The following ACSM2B variants were observed in gnomAD, a reference collection of about 807,000 sequenced individuals.
ACSM2B encodes acyl-CoA synthetase medium chain family member 2B.
A neutral mutation model predicts 78.6 loss-of-function variants in ACSM2B; 58 were observed. The observed-to-expected ratio is 0.74, with a 90% CI of 0.60 to 0.92. The LOEUF (loss-of-function observed/expected upper bound fraction) is 0.92. Ranked by LOEUF, ACSM2B falls within the 40% of genes least tolerant of loss-of-function variation. The pLI is 0.00. For missense variants in ACSM2B, 688 were observed against 711.2 expected, an observed-to-expected ratio of 0.97 and a Z score of 0.37; for synonymous variants, 257 against 256.8, an observed-to-expected ratio of 1.00 and a Z score of -0.01.
intron 12 of ACSM2B, chr16:20,541,347 GAC>G (rs1176617194): frequency 6.6e-6 from 1 of 152,056 alleles, no homozygotes; most frequent in African/African-American, 2.4e-5. Context: ...AATGTGCTAG[GAC>G]ACTGATCCAC....
intron 8 of ACSM2B, chr16:20,547,587 A>G (rs1291645708): frequency 1.0e-6 from 1 of 993,514 alleles, no homozygotes; most frequent in Non-Finnish European, 1.2e-6. Context: ...AGTTCCAAGA[A>G]GATATGTCAG....
rs181232136 is a variant in ACSM2B at position 20,544,098 on chromosome 16, A to G, written c.1282-836T>C. Among the ~76,000 whole-genome samples the G allele has an allele frequency of 2.0e-4, 31 of 152,196 alleles. 1 individual carries two copies. In the East Asian group the frequency reaches 4.8e-3, roughly 24 times the overall value. On this transcript the variant is annotated intron_variant, in intron 10 of 13. Coordinates refer to ENST00000329697, the MANE Select transcript of ACSM2B (RefSeq NM_001105069.2). ...CGCTTCTGAGTCTGTTTCCTTTTTTATCAAATGGGGAGAAGCCCATGACAT... is the reference window on the plus strand; with the variant it reads ...CGCTTCTGAGTCTGTTTCCTTTTTTGTCAAATGGGGAGAAGCCCATGACAT...
intron 1 of ACSM2B, among the ~76,000 whole-genome samples, chr16:20,566,792 A>T (rs1392826772): frequency 9.9e-6 from 1 of 101,168 alleles, no homozygotes; most frequent in Non-Finnish European, 1.8e-5. Flanking sequence ...ATATTTTGAA[A>T]TATATAATAT....
intron 5 of ACSM2B, among the ~76,000 whole-genome samples, chr16:20,553,259 G>A (rs1054506387): frequency 1.3e-5 from 2 of 152,066 alleles, no homozygotes; most frequent in African/African-American, 4.8e-5. Flanking sequence ...TGAATACCTT[G>A]GCACAGTGTT....
chr16:20,569,117 C>A (rs1567220303), intron 1 of ACSM2B, among the ~76,000 whole-genome samples: 2 of 151,822 alleles, frequency 1.3e-5, no homozygotes, highest in African/African-American at 2.4e-5. Context: ...CTTTTGGGTT[C>A]TTGGTCATAA....
At chr16:20,567,936 A>G (rs1171117655) in intron 1 of ACSM2B, among the ~76,000 whole-genome samples, 1 of 143,396 alleles carries the variant, frequency 7.0e-6, no homozygotes, top group Admixed American at 7.3e-5. Context: ...AATATATAGA[A>G]ATTTATATAT....
intron 10 of ACSM2B, among the ~76,000 whole-genome samples, chr16:20,544,127 A>G (rs892077681): frequency 2.0e-5 from 3 of 152,194 alleles, no homozygotes; most frequent in Admixed American, 6.5e-5. Flanking sequence ...ATGACATAGT[A>G]CTTCACTGGC....
rs1428512605 is a variant in ACSM2B at position 20,553,889 on chromosome 16, T to C, written c.628A>G (p.Thr210Ala). Reference sequence around the variant, plus strand: ...ATGGCAGATGCTTCCTGGCTTCCAGTCTCCACACAGTGATGAGTGGTGGAT... The same window carrying C: ...ATGGCAGATGCTTCCTGGCTTCCAGCCTCCACACAGTGATGAGTGGTGGAT... The part of the protein sequence containing the change: ...EASTTHHCVE[T>A]GSQEASAIYF... The change falls in exon 5 of 14, where the codon ACT becomes GCT. Residue 210 changes from threonine to alanine, a missense_variant. Thr to Ala is a moderately conservative substitution (Grantham distance 58). Coordinates refer to ENST00000329697, the MANE Select transcript of ACSM2B (RefSeq NM_001105069.2). The C allele has an allele frequency of 1.2e-6, 2 of 1,613,824 alleles. No homozygotes were observed. Among genetic ancestry groups the C allele is most frequent in the Non-Finnish European group, 1.7e-6 (2 of 1,179,812 alleles).
chr16:20,574,106 C>A (rs939919845), intron 1 of ACSM2B: 2 of 152,158 alleles, frequency 1.3e-5, no homozygotes, highest in African/African-American at 4.8e-5. Context: ...CATCTATAGA[C>A]CTACCCCCAG....
chr16:20,559,008 G>A (rs1014691861), intron 3 of ACSM2B, among the ~76,000 whole-genome samples: 3 of 152,170 alleles, frequency 2.0e-5, no homozygotes, highest in African/African-American at 7.2e-5. Context: ...CCAAAGTTCT[G>A]TAAGTCCCAT....
intron 6 of ACSM2B, among the ~76,000 whole-genome samples, chr16:20,550,387 C>T (rs1327546420): frequency 6.6e-6 from 1 of 152,138 alleles, no homozygotes; most frequent in African/African-American, 2.4e-5. Flanking sequence ...CTTGCAACTA[C>T]ATACTCATTT....
At chr16:20,572,873 C>T (rs557529590) in intron 1 of ACSM2B, among the ~76,000 whole-genome samples, 2 of 151,620 alleles carry the variant, frequency 1.3e-5, no homozygotes, top group East Asian at 1.9e-4. Flanking sequence ...ATTGTTGAGG[C>T]TTTTCAGTGC....
chr16:20,540,520 G>A lies in ACSM2B; in HGVS notation c.1629+134C>T, dbSNP rs1311456553. ...GGCCTTCCAAAGTGCTGGGATTGCA[G>A]GTGTCAGCCACCATGTCCGGCCCAG... On this transcript the variant is annotated intron_variant, in intron 13 of 13. Coordinates refer to ENST00000329697, the MANE Select transcript of ACSM2B (RefSeq NM_001105069.2). 6 of 1,449,970 alleles carry A rather than the reference G, an allele frequency of 4.1e-6. No individual in the cohort carries two copies. The East Asian group carries it at 1.2e-4, about 30-fold the overall frequency. 89.8% of individuals were successfully genotyped at this position (1,449,970 alleles called of 1,614,324 possible).
chr16:20,549,553 T>C (rs1007951076), intron 6 of ACSM2B: 16 of 208,168 alleles, frequency 7.7e-5, no homozygotes, highest in East Asian at 3.2e-4. Flanking sequence ...AATGCCCCAC[T>C]GCTTACTACT....
chr16:20,573,446 GGA>G (rs1240129276), intron 1 of ACSM2B, among the ~76,000 whole-genome samples: 17 of 149,300 alleles, frequency 1.1e-4, no homozygotes, highest in Admixed American at 1.1e-3. Context: ...CATGGGTTAG[GGA>G]GAGAATGCTG....
chr16:20,548,384 G>A lies in ACSM2B; in HGVS notation c.974+10C>T, dbSNP rs367576858. 1.9e-5 allele frequency: 30 copies of A among 1,613,470 alleles called. No homozygotes were observed. The African/African-American group carries it at 4.0e-4, about 22-fold the overall frequency. On this transcript the variant is annotated intron_variant, in intron 7 of 13. Coordinates refer to ENST00000329697, the MANE Select transcript of ACSM2B (RefSeq NM_001105069.2). Reference sequence around the variant, plus strand: ...CCAGACTCTCTTACCAATCCTCAAAGCCCCATCACCTGGAAAGATCCTGCT... The same window carrying A: ...CCAGACTCTCTTACCAATCCTCAAAACCCCATCACCTGGAAAGATCCTGCT...
At chr16:20,544,526 T>C (rs1596706884) in intron 10 of ACSM2B, 2 of 941,638 alleles carry the variant, frequency 2.1e-6, no homozygotes, top group Non-Finnish European at 2.5e-6. Context: ...GTAGAAACTA[T>C]TATTATTTGA....
chr16:20,540,702 C>A lies in ACSM2B; in HGVS notation c.1581G>T (p.Leu527=), dbSNP rs377752522. 5 of 1,614,142 alleles carry A rather than the reference C, an allele frequency of 3.1e-6. No homozygotes were observed. In the South Asian group the frequency reaches 5.5e-5, roughly 18 times the overall value. Residue 527 remains leucine (L), a synonymous_variant, in exon 13 of 14, where the codon CTG becomes CTT. Transcript: ENST00000329697. ...CTGTCACTGACTTCACATGCTGCTG[C>A]AGCTCCTTGGTGAGCTGTTCTGGGT... The part of the protein sequence containing the change: ...SHDPEQLTKE[L]QQHVKSVTAP...
intron 1 of ACSM2B, among the ~76,000 whole-genome samples, chr16:20,573,023 T>A (rs2152153889): frequency 6.6e-6 from 1 of 151,240 alleles, no homozygotes; most frequent in African/African-American, 2.4e-5. Context: ...GGTGCCTCTT[T>A]GATTAGCTTA....
Sources: allele counts gnomAD v4.1 joint callset (sites outside exome capture counted in the v4.1 genomes callset), GRCh38; gene constraint gnomAD v4.1.1; transcripts MANE v1.5; gene names NCBI Gene and HGNC (gene_info 2026-07-23, HGNC 2026-07-21).